RAP1GAP2: variants seen among roughly 807,000 people sequenced by gnomAD.
RAP1GAP2 encodes the protein rap1 GTPase-activating protein 2.
RAP1GAP2 carries 27 observed loss-of-function variants against 95.0 expected under a neutral mutation model. The ratio of observed to expected loss-of-function variants is 0.28; its 90% CI spans 0.21 to 0.39. The LOEUF (loss-of-function observed/expected upper bound fraction) is 0.39, where lower values mean the gene tolerates loss of function less well. Ranked by LOEUF, RAP1GAP2 falls within the 10% of genes least tolerant of loss-of-function variation. RAP1GAP2 has a pLI of 1.00. For synonymous variants in RAP1GAP2, 373 were observed against 380.9 expected (o/e 0.98, Z 0.24); for missense variants, 771 against 970.0 (o/e 0.79, Z 2.72).
At chr17:2,858,242 C>T (rs1384370399) in intron 2 of RAP1GAP2, among the ~76,000 whole-genome samples, 1 of 152,162 alleles carries the variant, frequency 6.6e-6, no homozygotes, top group Non-Finnish European at 1.5e-5. Context: ...CAGCTCCCAT[C>T]ATGGAGTTTA....
At chr17:2,894,603 G>A (rs762725096) in intron 2 of RAP1GAP2, among the ~76,000 whole-genome samples, 1 of 152,012 alleles carries the variant, frequency 6.6e-6, no homozygotes, top group Non-Finnish European at 1.5e-5. Context: ...CTGGCTTGCC[G>A]TGCGTCCAGA....
intron 8 of RAP1GAP2, among the ~76,000 whole-genome samples, chr17:2,979,905 T>C (rs4790399): frequency 0.74 from 112,540 of 151,844 alleles, 41,861 homozygotes; most frequent in African/African-American, 0.78. Flanking sequence ...CTATGTGCTG[T>C]GATCTCGGCC....
Position 2,820,989 on chromosome 17 carries a change from C to T in RAP1GAP2, c.80+20439C>T, listed in dbSNP as rs184758946. Among the ~76,000 whole-genome samples, 198 of 151,076 alleles carry T rather than the reference C, an allele frequency of 1.3e-3. 1 individual carries two copies. The highest frequency in any genetic ancestry group is 4.6e-3 in the African/African-American group (188 of 41,140). ...TGACCTGTTGATCTGCCTGCCTCGG[C>T]CTCCCAAAGTGCTGGGATTACAGGC... On this transcript the variant is annotated intron_variant, in intron 2 of 24. Transcript: ENST00000254695.
intron 2 of RAP1GAP2, among the ~76,000 whole-genome samples, chr17:2,804,476 G>A (rs895314813): frequency 1.1e-4 from 16 of 152,208 alleles, no homozygotes; most frequent in Non-Finnish European, 5.9e-5. Flanking sequence ...TCTGTGTTTT[G>A]TGTGTGGAGC....
chr17:2,953,569 G>T (rs952043568), intron 3 of RAP1GAP2, among the ~76,000 whole-genome samples: 5 of 151,986 alleles, frequency 3.3e-5, no homozygotes, highest in African/African-American at 1.2e-4. Flanking sequence ...CAATTTGGCC[G>T]GGTACGATGG....
At chr17:2,944,182 AAC>A (rs1555573670) in intron 3 of RAP1GAP2, among the ~76,000 whole-genome samples, 24 of 147,980 alleles carry the variant, frequency 1.6e-4, no homozygotes, top group Non-Finnish European at 1.8e-4. Context: ...AAAAAAAAAA[AAC>A]CAAACCACAA....
At chr17:2,853,448 C>T (rs2071970895) in intron 2 of RAP1GAP2, among the ~76,000 whole-genome samples, 1 of 150,796 alleles carries the variant, frequency 6.6e-6, no homozygotes, top group Non-Finnish European at 1.5e-5. Context: ...GCGGCAGCCG[C>T]CTCTGCCTGG....
intron 2 of RAP1GAP2, among the ~76,000 whole-genome samples, chr17:2,848,248 C>G (rs1270494279): frequency 6.6e-6 from 1 of 152,140 alleles, no homozygotes; most frequent in Non-Finnish European, 1.5e-5. Flanking sequence ...AGATCCGTTT[C>G]CAAAACCTGA....
chr17:2,819,133 C>G (rs1436780098), intron 2 of RAP1GAP2, among the ~76,000 whole-genome samples: 1 of 151,580 alleles, frequency 6.6e-6, no homozygotes, highest in Non-Finnish European at 1.5e-5. Context: ...ATTCTCCTGC[C>G]TCAGCCTCCC....
chr17:2,760,380 G>A (rs1002848809), intron 1 of RAP1GAP2, among the ~76,000 whole-genome samples: 1 of 149,928 alleles, frequency 6.7e-6, no homozygotes, highest in African/African-American at 2.4e-5. Flanking sequence ...TTGCTCTGTC[G>A]CCCAGGGTGG....
At chr17:3,017,916 C>CGTGT (rs56791699) in intron 17 of RAP1GAP2, 145 bp from the exon 18 acceptor site, 88,692 of 558,562 alleles carry the variant, frequency 0.16, 3,048 homozygotes, top group Admixed American at 0.17. Context: ...CCTCTGTGAC[C>CGTGT]GTGTGTGTGT....
intron 2 of RAP1GAP2, among the ~76,000 whole-genome samples, chr17:2,864,319 C>G (rs1280920464): frequency 6.6e-6 from 1 of 152,208 alleles, no homozygotes; most frequent in Non-Finnish European, 1.5e-5. Context: ...CTGGCTGGAG[C>G]GTCCATGCCT....
At chr17:2,781,195 C>T (rs962309871) in intron 1 of RAP1GAP2, among the ~76,000 whole-genome samples, 2 of 152,230 alleles carry the variant, frequency 1.3e-5, no homozygotes, top group African/African-American at 4.8e-5. Flanking sequence ...GGATTACTGG[C>T]CTCCTTCTTG....
At position 2,848,557 on chromosome 17, in the gene RAP1GAP2, C is replaced by G. The variant is rs540739838; in HGVS notation, c.80+48007C>G. Among the ~76,000 whole-genome samples, 19 of 151,638 alleles carry G rather than the reference C, an allele frequency of 1.3e-4. No homozygotes were observed. The South Asian group carries it at 1.9e-3, about 15-fold the overall frequency. On this transcript the variant is annotated intron_variant, in intron 2 of 24. Coordinates refer to ENST00000254695, the MANE Select transcript of RAP1GAP2 (RefSeq NM_015085.5). ...TGAGATAGAGTCTTGCTCTGTTCCC[C>G]AGGCTGGAGTGCAGTGGCACGATCT... is the stretch of plus-strand genomic sequence containing the variant.
At chr17:2,942,026 A>G (rs1247442684) in intron 3 of RAP1GAP2, among the ~76,000 whole-genome samples, 2 of 152,026 alleles carry the variant, frequency 1.3e-5, no homozygotes, top group Non-Finnish European at 2.9e-5. Context: ...ATGGCTTTTG[A>G]GGGAAAGAAT....
intron 2 of RAP1GAP2, among the ~76,000 whole-genome samples, chr17:2,829,422 C>A (rs2070736178): frequency 6.6e-6 from 1 of 152,056 alleles, no homozygotes; most frequent in Non-Finnish European, 1.5e-5. Context: ...GGGGTCGTGA[C>A]CCCGTCGGTA....
At chr17:2,938,122 C>T (rs1460887490) in intron 3 of RAP1GAP2, among the ~76,000 whole-genome samples, 4 of 152,206 alleles carry the variant, frequency 2.6e-5, no homozygotes, top group Non-Finnish European at 4.4e-5. Context: ...CATTTCGTGT[C>T]TCACCTTGCT....
At position 2,873,407 on chromosome 17, in the gene RAP1GAP2, G is replaced by A. The variant is rs143422935; in HGVS notation, c.81-31877G>A. ...GGAGGATCGCCTGAGCCCAGGAGGC[G>A]GAGGTTGCAATGAGCTGAGATTTTG... On this transcript the variant is annotated intron_variant, in intron 2 of 24. Coordinates refer to ENST00000254695, the MANE Select transcript of RAP1GAP2 (RefSeq NM_015085.5). Among the ~76,000 whole-genome samples the A allele has an allele frequency of 9.4e-3, 1,356 of 144,518 alleles. 10 individuals carry two copies. Among genetic ancestry groups the A allele is most frequent in the Non-Finnish European group, 0.011 (755 of 66,578 alleles). 94.8% of individuals were successfully genotyped at this position (144,518 alleles called of 152,430 possible).
intron 10 of RAP1GAP2, among the ~76,000 whole-genome samples, chr17:2,981,456 G>A (rs1044928091): frequency 6.6e-6 from 1 of 152,178 alleles, no homozygotes; most frequent in African/African-American, 2.4e-5. Flanking sequence ...CTCCAGCCCA[G>A]CTGAATTGGT....
Sources: allele counts gnomAD v4.1 joint callset (sites outside exome capture counted in the v4.1 genomes callset), GRCh38; gene constraint gnomAD v4.1.1; transcripts MANE v1.5; gene names NCBI Gene and HGNC (gene_info 2026-07-23, HGNC 2026-07-21).